C1orf21: variants seen among roughly 807,000 people sequenced by gnomAD.
C1orf21 encodes chromosome 1 open reading frame 21.
In C1orf21, 3 loss-of-function variants were observed where a neutral mutation model predicts 18.7. The observed-to-expected ratio is 0.16, with a 90% CI of 0.07 to 0.42. The LOEUF (loss-of-function observed/expected upper bound fraction) is 0.42, where lower values mean the gene tolerates loss of function less well. C1orf21 is among the 10% of genes least tolerant of loss of function. The probability of loss-of-function intolerance (pLI) is 0.99; values close to 1 mark genes in which losing one functional copy is unlikely to be tolerated. For missense variants in C1orf21, 104 were observed against 143.6 expected, an observed-to-expected ratio of 0.72 and a Z score of 1.41; for synonymous variants, 41 against 46.4, an observed-to-expected ratio of 0.88 and a Z score of 0.47.
At chr1:184,534,931 G>A (rs1451904139) in intron 3 of C1orf21, among the ~76,000 whole-genome samples, 1 of 152,124 alleles carries the variant, frequency 6.6e-6, no homozygotes, top group African/African-American at 2.4e-5. Flanking sequence ...CTGAACTGGA[G>A]TATAGTCCAA....
intron 4 of C1orf21, among the ~76,000 whole-genome samples, chr1:184,591,912 A>G (rs866500444): frequency 1.3e-5 from 2 of 152,336 alleles, no homozygotes; most frequent in Middle Eastern, 6.8e-3. Flanking sequence ...TACACATATC[A>G]TGATGGAGGA....
chr1:184,613,501 G>A (rs1299157271), intron 5 of C1orf21, among the ~76,000 whole-genome samples: 1 of 152,180 alleles, frequency 6.6e-6, no homozygotes, highest in Non-Finnish European at 1.5e-5. Context: ...CCTATTCTGT[G>A]TGCATAGTTT....
intron 1 of C1orf21, among the ~76,000 whole-genome samples, chr1:184,456,950 A>T (rs1657207972): frequency 6.6e-6 from 1 of 152,162 alleles, no homozygotes; most frequent in African/African-American, 2.4e-5. Context: ...AAAATGAATA[A>T]ATGGTTTGAG....
intron 1 of C1orf21, among the ~76,000 whole-genome samples, chr1:184,470,796 T>C (rs943704121): frequency 1.3e-5 from 2 of 152,048 alleles, no homozygotes; most frequent in Non-Finnish European, 2.9e-5. Flanking sequence ...GGAGAATCAC[T>C]TGAACCCAGG....
intron 3 of C1orf21, among the ~76,000 whole-genome samples, chr1:184,583,513 C>T (rs1447832039): frequency 6.6e-6 from 1 of 152,124 alleles, no homozygotes; most frequent in Non-Finnish European, 1.5e-5. Flanking sequence ...GTCTCCCTGT[C>T]GACCCTGAGA....
chr1:184,456,852 C>G (rs1657206662), intron 1 of C1orf21, among the ~76,000 whole-genome samples: 1 of 152,154 alleles, frequency 6.6e-6, no homozygotes, highest in Non-Finnish European at 1.5e-5. Flanking sequence ...TCATTGAAGA[C>G]AAAACCTTTC....
At chr1:184,571,542 G>C (rs774866248) in intron 3 of C1orf21, among the ~76,000 whole-genome samples, 2 of 152,116 alleles carry the variant, frequency 1.3e-5, no homozygotes, top group African/African-American at 4.8e-5. Context: ...GTTATACCTG[G>C]TCCCTCTACC....
intron 1 of C1orf21, among the ~76,000 whole-genome samples, chr1:184,413,071 A>G (rs1656382612): frequency 6.6e-6 from 1 of 152,202 alleles, no homozygotes; most frequent in Non-Finnish European, 1.5e-5. Flanking sequence ...GGATATACTC[A>G]TCCCAAGATT....
intron 1 of C1orf21, among the ~76,000 whole-genome samples, chr1:184,425,912 C>G (rs1656630136): frequency 6.6e-6 from 1 of 152,196 alleles, no homozygotes; most frequent in Admixed American, 6.5e-5. Context: ...AGAATGGAGA[C>G]CATATAGTTT....
chr1:184,576,835 A>C (rs1478480600), intron 3 of C1orf21, among the ~76,000 whole-genome samples: 3 of 152,228 alleles, frequency 2.0e-5, no homozygotes, highest in Non-Finnish European at 4.4e-5. Context: ...GACTTTTGGA[A>C]TAAAACCCCA....
At chr1:184,473,433 A>G (rs1657523650) in intron 1 of C1orf21, among the ~76,000 whole-genome samples, 1 of 152,166 alleles carries the variant, frequency 6.6e-6, no homozygotes, top group African/African-American at 2.4e-5. Context: ...TTGGGAGAGA[A>G]AAGCTGAGCA....
chr1:184,391,045 A>T lies in C1orf21; in HGVS notation c.-125+3677A>T, dbSNP rs559399327. ...TTATCTGAAGTGGCATGTAAATTAC[A>T]TACATACATATTTTTTAAAGTAGGC... On this transcript the variant is annotated intron_variant, in intron 1 of 5. Transcript: ENST00000235307. Among the ~76,000 whole-genome samples, 4 of 152,294 alleles carry T rather than the reference A, an allele frequency of 2.6e-5. No individual in the cohort carries two copies. In the South Asian group the frequency reaches 8.3e-4, roughly 32 times the overall value.
At chr1:184,444,800 T>C (rs1657003569) in intron 1 of C1orf21, among the ~76,000 whole-genome samples, 1 of 152,164 alleles carries the variant, frequency 6.6e-6, no homozygotes. Flanking sequence ...TAGGAGTTTG[T>C]GCTAAGTACA....
chr1:184,531,399 T>G (rs1202604118), intron 3 of C1orf21, among the ~76,000 whole-genome samples: 1 of 152,196 alleles, frequency 6.6e-6, no homozygotes, highest in East Asian at 1.9e-4. Context: ...CCCAGTTTCC[T>G]GCAGTGTTGA....
chr1:184,415,041 T>C (rs1482535823), intron 1 of C1orf21, among the ~76,000 whole-genome samples: 3 of 152,208 alleles, frequency 2.0e-5, no homozygotes, highest in Non-Finnish European at 4.4e-5. Context: ...TGGGCTGCTA[T>C]CTTCTTGGAA....
At chr1:184,461,673 C>T (rs999899726) in intron 1 of C1orf21, among the ~76,000 whole-genome samples, 1 of 152,070 alleles carries the variant, frequency 6.6e-6, no homozygotes, top group East Asian at 1.9e-4. Flanking sequence ...CTCATTACAC[C>T]GTGAATGATG....
intron 1 of C1orf21, among the ~76,000 whole-genome samples, chr1:184,471,350 G>A (rs540181696): frequency 6.6e-6 from 1 of 152,138 alleles, no homozygotes; most frequent in South Asian, 2.1e-4. Context: ...ACCTTATAGG[G>A]CCTCCTGAAA....
intron 2 of C1orf21, among the ~76,000 whole-genome samples, chr1:184,492,000 A>T (rs1043551229): frequency 6.6e-6 from 1 of 152,212 alleles, no homozygotes; most frequent in East Asian, 1.9e-4. Context: ...TTTGAAACGG[A>T]GCCATCTTCA....
chr1:184,599,892 A>G (rs1165021963), intron 5 of C1orf21, among the ~76,000 whole-genome samples: 1 of 152,210 alleles, frequency 6.6e-6, no homozygotes, highest in African/African-American at 2.4e-5. Flanking sequence ...TATAACACAG[A>G]TATTCCAAAA....
Sources: allele counts gnomAD v4.1 joint callset (sites outside exome capture counted in the v4.1 genomes callset), GRCh38; gene constraint gnomAD v4.1.1; transcripts MANE v1.5; gene names NCBI Gene and HGNC (gene_info 2026-07-23, HGNC 2026-07-21).